DST: variants seen among roughly 807,000 people sequenced by gnomAD.
DST encodes dystonin.
A neutral mutation model predicts 875.2 loss-of-function variants in DST; 253 were observed. The ratio of observed to expected loss-of-function variants is 0.29; its 90% confidence interval spans 0.26 to 0.32. DST has a LOEUF of 0.32. Among genes scored for constraint, DST ranks in the 10% least tolerant of loss-of-function variants. The pLI is 1.00. For missense variants in DST, 8,287 were observed against 9,111.6 expected (o/e 0.91, Z 3.68); for synonymous variants, 3,124 against 3,197.1 (o/e 0.98, Z 0.77).
chr6:56,916,299 T>G (rs555233355), intron 2 of DST, among the ~76,000 whole-genome samples: 1 of 152,324 alleles, frequency 6.6e-6, no homozygotes, highest in East Asian at 1.9e-4. Context: ...GTCCTGTTGT[T>G]GCACACACCC....
chr6:56,615,822 T>C, intron 36 of DST: 2 of 1,614,168 alleles, frequency 1.2e-6, no homozygotes, highest in South Asian at 2.2e-5. Flanking sequence ...CCCATTTCCT[T>C]ATTTATAATA....
At chr6:56,673,455 T>C (rs902761630) in intron 9 of DST, among the ~76,000 whole-genome samples, 4 of 152,158 alleles carry the variant, frequency 2.6e-5, no homozygotes, top group East Asian at 1.9e-4. Context: ...GCTAATTCCA[T>C]GCCAGTCAGT....
intron 10 of DST, among the ~76,000 whole-genome samples, chr6:56,666,304 A>T (rs2099072041): frequency 6.6e-6 from 1 of 152,156 alleles, no homozygotes; most frequent in African/African-American, 2.4e-5. Flanking sequence ...TTATATTAAT[A>T]AAAAATGTGA....
rs370727746 is a variant in DST, at chr6:56,489,519, T to C, written c.20848A>G (p.Lys6950Glu). The change falls in exon 86 of 104, where the codon AAA becomes GAA. Residue 6950 changes from lysine to glutamate, a missense_variant. Physicochemically the swap from Lys to Glu is moderately conservative, Grantham distance 56. Around this residue, in one of 10 missense-constraint regions of DST, gnomAD observed 1,292 missense variants for 1,552.7 expected, o/e 0.83. Coordinates refer to ENST00000680361, the MANE Select transcript of DST (RefSeq NM_001374736.1). ...TGTTGTGCAAGTTGTGTTTTTATTTTGTCTGGATCATTTGCGATTTCCAGT... is the reference window on the plus strand; with the variant it reads ...TGTTGTGCAAGTTGTGTTTTTATTTCGTCTGGATCATTTGCGATTTCCAGT... ...SELEIANDPD[K>E]IKTQLAQHKE... 3 of 1,612,862 alleles carry C rather than the reference T, an allele frequency of 1.9e-6. No homozygotes were observed. Among genetic ancestry groups the C allele is most frequent in the African/African-American group, 1.3e-5 (1 of 74,910 alleles).
chr6:56,950,706 C>T (rs1821879162), intron 2 of DST, among the ~76,000 whole-genome samples: 1 of 152,160 alleles, frequency 6.6e-6, no homozygotes, highest in Admixed American at 6.5e-5. Flanking sequence ...ATACATAAAA[C>T]ACATATTTCT....
At chr6:56,786,617 C>T (rs1446447097) in intron 4 of DST, among the ~76,000 whole-genome samples, 1 of 152,238 alleles carries the variant, frequency 6.6e-6, no homozygotes, top group Admixed American at 6.5e-5. Context: ...ACTGCAACCT[C>T]TGCCTCCTGG....
chr6:56,874,360 A>T (rs1368110433), intron 3 of DST, among the ~76,000 whole-genome samples: 2 of 152,276 alleles, frequency 1.3e-5, no homozygotes, highest in African/African-American at 2.4e-5. Context: ...CAATAGATAA[A>T]ACTTAAATTT....
intron 5 of DST, among the ~76,000 whole-genome samples, chr6:56,705,034 TC>T (rs2099328073): frequency 6.6e-6 from 1 of 152,296 alleles, no homozygotes; most frequent in Non-Finnish European, 1.5e-5. Context: ...CTTTCCCCGT[TC>T]CACAGGCCTG....
chr6:56,941,303 T>C (rs1252719151), intron 2 of DST, among the ~76,000 whole-genome samples: 1 of 152,200 alleles, frequency 6.6e-6, no homozygotes, highest in Non-Finnish European at 1.5e-5. Flanking sequence ...TATTGATACA[T>C]GAATTATTTA....
At chr6:56,627,396 T>C in intron 33 of DST, 109 bp from the exon 34 acceptor site, 2 of 821,578 alleles carry the variant, frequency 2.4e-6, no homozygotes. Flanking sequence ...GTACAGCTCC[T>C]TAGCCCTTTG....
At chr6:56,597,642 G>T (rs938184892) in intron 47 of DST, 98 bp downstream of exon 47, 1 of 1,279,526 alleles carries the variant, frequency 7.8e-7, no homozygotes, top group Non-Finnish European at 1.1e-6. Flanking sequence ...AACCTCTTTT[G>T]TCAGTAAGGT....
chr6:56,484,127 T>C (rs2095489697), intron 88 of DST: 1 of 152,114 alleles, frequency 6.6e-6, no homozygotes, highest in Non-Finnish European at 1.5e-5. Context: ...TTACCTAGAG[T>C]AGTAAATATT....
chr6:56,563,858 T>C (rs535478241), intron 55 of DST, among the ~76,000 whole-genome samples: 1 of 152,340 alleles, frequency 6.6e-6, no homozygotes, highest in East Asian at 1.9e-4. Flanking sequence ...ATTGCTTTTG[T>C]CAGATTTGTC....
At chr6:56,786,272 C>T (rs1353514328) in intron 4 of DST, among the ~76,000 whole-genome samples, 3 of 152,202 alleles carry the variant, frequency 2.0e-5, no homozygotes, top group African/African-American at 7.2e-5. Context: ...TTCAGGTTCA[C>T]CCATTTCTTA....
At position 56,506,901 on chromosome 6, in the gene DST, TTTTTCTG is replaced by T. The variant is rs2096334315; in HGVS notation, c.19240-119_19240-113del. ...TTTCTAGAAGGTGGCATTCTAATCA[TTTTTCTG>T]TTTTCTAAGTTTCTGCAATAAATTT... On this transcript the variant is annotated intron_variant, in intron 75 of 103. Coordinates refer to ENST00000680361, the MANE Select transcript of DST (RefSeq NM_001374736.1). The T allele has an allele frequency of 4.5e-6, 5 of 1,122,000 alleles. No individual in the cohort carries two copies. The East Asian group carries it at 1.1e-4, about 24-fold the overall frequency. 69.5% of individuals were successfully genotyped at this position (1,122,000 alleles called of 1,614,324 possible). A position where few individuals can be genotyped will look rare whatever the true frequency, so the allele number is the denominator to read the frequency against.
chr6:56,834,323 G>A (rs1159015637), intron 4 of DST, among the ~76,000 whole-genome samples: 2 of 152,138 alleles, frequency 1.3e-5, no homozygotes, highest in African/African-American at 4.8e-5. Flanking sequence ...TACCAGCCAG[G>A]TGCGGTGGCT....
At chr6:56,877,811 G>A (rs1034244287) in intron 3 of DST, among the ~76,000 whole-genome samples, 2 of 152,192 alleles carry the variant, frequency 1.3e-5, no homozygotes, top group African/African-American at 4.8e-5. Flanking sequence ...ACCAGTCTGA[G>A]AACTGTTTTT....
At chr6:56,954,006 G>A (rs1362726733) in intron 1 of DST, among the ~76,000 whole-genome samples, 187 bp from the exon 2 acceptor site, 1 of 152,220 alleles carries the variant, frequency 6.6e-6, no homozygotes, top group Non-Finnish European at 1.5e-5. Flanking sequence ...TTCTCCGCGA[G>A]AAGTTTGCAT....
chr6:56,937,111 G>C (rs1487810516), intron 2 of DST, among the ~76,000 whole-genome samples: 2 of 151,354 alleles, frequency 1.3e-5, no homozygotes, highest in African/African-American at 4.9e-5. Context: ...TATTATCTTG[G>C]ATGAGGCAAA....
Sources: allele counts gnomAD v4.1 joint callset (sites outside exome capture counted in the v4.1 genomes callset), GRCh38; gene constraint gnomAD v4.1.1; regional missense constraint gnomAD v4.1.1; transcripts MANE v1.5; gene names NCBI Gene and HGNC (gene_info 2026-07-23, HGNC 2026-07-21).